The following PSMA1 variants were observed in gnomAD, a reference collection of about 807,000 sequenced individuals.
The protein encoded by PSMA1 is proteasome 20S subunit alpha 1, also known as proteasome subunit alpha type-1.
In PSMA1, 3 loss-of-function variants were observed where a neutral mutation model predicts 38.4. The ratio of observed to expected loss-of-function variants is 0.08; its 90% confidence interval spans 0.04 to 0.20. The LOEUF is 0.20. Among genes scored for constraint, PSMA1 ranks in the 10% least tolerant of loss-of-function variants. The pLI is 1.00. For missense variants in PSMA1, 227 were observed against 325.3 expected (o/e 0.70, Z 2.32); for synonymous variants, 101 against 107.1 (o/e 0.94, Z 0.35).
intron 8 of PSMA1, among the ~76,000 whole-genome samples, chr11:14,509,301 C>T (rs1158636145): frequency 6.6e-6 from 1 of 152,120 alleles, no homozygotes; most frequent in Admixed American, 6.6e-5. Context: ...ACATTCCCCC[C>T]TCACACCCTA....
At chr11:14,636,296 CT>C (rs1463462035) in intron 1 of PSMA1, among the ~76,000 whole-genome samples, 3 of 152,174 alleles carry the variant, frequency 2.0e-5, no homozygotes, top group African/African-American at 7.2e-5. Context: ...GGTTACTTTC[CT>C]GTCCTCATCT....
intron 2 of PSMA1, among the ~76,000 whole-genome samples, chr11:14,545,025 T>TG (rs2134165899): frequency 6.6e-6 from 1 of 152,292 alleles, no homozygotes; most frequent in South Asian, 2.1e-4. Context: ...GTCCAGAAGA[T>TG]GGAGTGGAGT....
intron 1 of PSMA1, among the ~76,000 whole-genome samples, chr11:14,626,763 T>C (rs1852916895): frequency 6.6e-6 from 1 of 152,232 alleles, no homozygotes; most frequent in Non-Finnish European, 1.5e-5. Context: ...ATTTTTATGA[T>C]AGCGATGATA....
At chr11:14,545,119 T>C (rs757343391) in intron 2 of PSMA1, among the ~76,000 whole-genome samples, 4 of 152,158 alleles carry the variant, frequency 2.6e-5, no homozygotes, top group Non-Finnish European at 5.9e-5. Context: ...CATAATTCTG[T>C]GATTAGAGCC....
chr11:14,615,192 G>T (rs1403354283), intron 1 of PSMA1, among the ~76,000 whole-genome samples: 1 of 152,156 alleles, frequency 6.6e-6, no homozygotes, highest in African/African-American at 2.4e-5. Flanking sequence ...ATCCTTCAGT[G>T]CCTATCTCAA....
Position 14,505,051 on chromosome 11 carries a change from A to G in PSMA1, c.*141T>C. On this transcript the variant is annotated 3_prime_UTR_variant, in exon 10 of 10. Transcript: ENST00000396394. ...AGGTTTCAGTGAGGTTGCTTGGAAA[A>G]AACTCACATCTGGACTGATTCCTAA... 1 of 760,904 alleles carries G rather than the reference A, an allele frequency of 1.3e-6. No individual in the cohort carries two copies. Among genetic ancestry groups the G allele is most frequent in the South Asian group, 1.6e-5 (1 of 63,650 alleles). 47.1% of individuals were successfully genotyped at this position (760,904 alleles called of 1,614,324 possible). A position where few individuals can be genotyped will look rare whatever the true frequency, so the allele number is the denominator to read the frequency against.
At chr11:14,642,973 A>T (rs1853236680) in intron 1 of PSMA1, among the ~76,000 whole-genome samples, 3 of 152,100 alleles carry the variant, frequency 2.0e-5, no homozygotes, top group African/African-American at 7.2e-5. Context: ...ACCAATTGCG[A>T]CAGCAAATCT....
At chr11:14,536,391 G>A (rs571758875) in intron 2 of PSMA1, among the ~76,000 whole-genome samples, 13 of 151,904 alleles carry the variant, frequency 8.6e-5, no homozygotes, top group African/African-American at 3.1e-4. Flanking sequence ...GCCGGGCTTG[G>A]TGGTGAGCGC....
Position 14,517,647 on chromosome 11 carries a change from C to T in PSMA1, c.249G>A (p.Leu83=). The change falls in exon 4 of 10, where the codon CTG becomes CTA. Residue 83 remains leucine (L), a synonymous_variant. Coordinates refer to ENST00000396394, the MANE Select transcript of PSMA1 (RefSeq NM_002786.4). ...SIAGLTADAR[L]LCNFMRQECL... Reference sequence around the variant, plus strand: ...TTTTTCATGATTATACTTACCATAACAGTCTAGCATCAGCAGTAAGCCCCG... The same window carrying T: ...TTTTTCATGATTATACTTACCATAATAGTCTAGCATCAGCAGTAAGCCCCG... The T allele has an allele frequency of 6.4e-7, 1 of 1,574,064 alleles. No homozygotes were observed. The highest frequency in any genetic ancestry group is 1.2e-5 in the South Asian group (1 of 84,736).
intron 2 of PSMA1, among the ~76,000 whole-genome samples, chr11:14,528,417 T>G (rs997036686): frequency 6.6e-6 from 1 of 152,080 alleles, no homozygotes; most frequent in Non-Finnish European, 1.5e-5. Context: ...AAATGCTTCT[T>G]CTAACAACCC....
intron 2 of PSMA1, among the ~76,000 whole-genome samples, chr11:14,598,992 TA>T (rs1852541785): frequency 2.0e-5 from 3 of 152,128 alleles, no homozygotes; most frequent in Admixed American, 1.3e-4. Context: ...CTCCTTCACT[TA>T]TGAAGCTTAG....
At chr11:14,633,765 G>C (rs976309195) in intron 1 of PSMA1, among the ~76,000 whole-genome samples, 1 of 152,158 alleles carries the variant, frequency 6.6e-6, no homozygotes, top group Non-Finnish European at 1.5e-5. Context: ...TTTGATCTCA[G>C]ACTGCTGTGC....
Position 14,513,597 on chromosome 11 carries a change from C to G in PSMA1, c.517G>C (p.Glu173Gln). 6.4e-7 allele frequency: 1 copy of G among 1,567,526 alleles called. No homozygotes were observed. The highest frequency in any genetic ancestry group is 8.6e-7 in the Non-Finnish European group (1 of 1,165,436). Residue 173 changes from glutamate (E) to glutamine (Q), a missense_variant, in exon 7 of 10, where the codon GAG (glutamate) becomes CAG (glutamine). Coordinates refer to ENST00000396394, the MANE Select transcript of PSMA1 (RefSeq NM_002786.4). The part of the protein sequence containing the change: ...ARSQSARTYL[E>Q]RHMSEFMECN... Reference sequence around the variant, plus strand: ...TCCATAAATTCAGACATATGTCTCTCCAAGTAAGTACGAGCTGATTGGGAA... The same window carrying G: ...TCCATAAATTCAGACATATGTCTCTGCAAGTAAGTACGAGCTGATTGGGAA...
chr11:14,576,523 G>T (rs1203602120), intron 2 of PSMA1, among the ~76,000 whole-genome samples: 5 of 152,056 alleles, frequency 3.3e-5, no homozygotes, highest in Admixed American at 6.6e-5. Context: ...CCAGCACCAT[G>T]TATTAAATAG....
intron 2 of PSMA1, among the ~76,000 whole-genome samples, chr11:14,550,713 G>A (rs1057195871): frequency 6.6e-6 from 1 of 151,810 alleles, no homozygotes; most frequent in African/African-American, 2.4e-5. Flanking sequence ...TATTTTTGCT[G>A]ACGTGAGTGA....
At chr11:14,523,197 G>T (rs1402729576), upstream of PSMA1, among the ~76,000 whole-genome samples, 1 of 152,128 alleles carries the variant, frequency 6.6e-6, no homozygotes, top group African/African-American at 2.4e-5. Flanking sequence ...CTTATTAAAG[G>T]TTTATATGAT....
At chr11:14,620,011 AG>A (rs1450193892) in intron 1 of PSMA1, among the ~76,000 whole-genome samples, 1 of 152,178 alleles carries the variant, frequency 6.6e-6, no homozygotes, top group Non-Finnish European at 1.5e-5. Context: ...TGTACCTAAC[AG>A]TAAGGACAAC....
At chr11:14,552,750 TACAC>T (rs1192056627) in intron 2 of PSMA1, among the ~76,000 whole-genome samples, 1 of 151,756 alleles carries the variant, frequency 6.6e-6, no homozygotes. Context: ...TTTTATACAA[TACAC>T]AGTTTGTTAA....
chr11:14,588,148 G>T (rs926142045), intron 2 of PSMA1, among the ~76,000 whole-genome samples: 7 of 152,194 alleles, frequency 4.6e-5, no homozygotes, highest in African/African-American at 1.4e-4. Flanking sequence ...ACAGGTACAT[G>T]GTTGAAGGAA....
Sources: gnomAD v4.1 joint callset for allele counts (sites outside exome capture counted in the v4.1 genomes callset) on GRCh38, gnomAD v4.1.1 for gene constraint, MANE v1.5 for transcripts, NCBI Gene and HGNC (gene_info 2026-07-23, HGNC 2026-07-21) for gene names.